Variants in ZNF121 observed in about 807,000 individuals in gnomAD.
ZNF121 encodes zinc finger protein 121, also known as zinc finger protein 121 (clone ZHC32).
In ZNF121, 1 loss-of-function variant was observed where a neutral mutation model predicts 2.4. That is an observed-to-expected ratio of 0.41 (90% CI 0.15 to 1.94). The LOEUF is 1.94. ZNF121 is among the 30% of genes most tolerant of loss of function. The pLI is 0.30. For missense variants in ZNF121, 369 were observed against 466.3 expected, an observed-to-expected ratio of 0.79 and a Z score of 1.92; for synonymous variants, 173 against 158.6, an observed-to-expected ratio of 1.09 and a Z score of -0.68.
In ZNF121 at chr19:9,581,978, T is replaced by C. The variant is rs79579906; in HGVS notation, c.-160+2483A>G. On this transcript the variant is annotated intron_variant, in intron 1 of 3. Coordinates refer to ENST00000320451, the MANE Select transcript of ZNF121 (RefSeq NM_001008727.5). ...CTCAAATTGTTCACCATAAAATGTA[T>C]TTACCTGAGGTGAAAGAAAACAAGC... Among the ~76,000 whole-genome samples the C allele has an allele frequency of 1.9e-3, 288 of 152,270 alleles. 2 individuals carry two copies. In the East Asian group the frequency reaches 0.05, roughly 27 times the overall value.
intron 1 of ZNF121, among the ~76,000 whole-genome samples, chr19:9,574,288 G>C (rs531705200): frequency 6.6e-6 from 1 of 152,060 alleles, no homozygotes; most frequent in Non-Finnish European, 1.5e-5. Flanking sequence ...TGGGATTACA[G>C]GCACATTCCA....
chr19:9,576,258 C>T (rs987044907), intron 1 of ZNF121, among the ~76,000 whole-genome samples: 3 of 151,776 alleles, frequency 2.0e-5, no homozygotes, highest in Non-Finnish European at 4.4e-5. Flanking sequence ...CTTTGGGAGG[C>T]CAACATGGGG....
At chr19:9,572,060 GC>G (rs1488722944) in intron 1 of ZNF121, among the ~76,000 whole-genome samples, 1 of 152,148 alleles carries the variant, frequency 6.6e-6, no homozygotes, top group South Asian at 2.1e-4. Context: ...ATTGTGCCCT[GC>G]CTGAAAATAC....
rs1599732151 is a variant in ZNF121 at position 9,561,000 on chromosome 19, G to T, written c.*4940C>A. On this transcript the variant is annotated 3_prime_UTR_variant, in exon 4 of 4. Transcript: ENST00000320451. Reference sequence around the variant, plus strand: ...GAGAGTAGCTTATATTTTAATCTAGGATTGAGCACGTGCTATTTTTGCAAG... The same window carrying T: ...GAGAGTAGCTTATATTTTAATCTAGTATTGAGCACGTGCTATTTTTGCAAG... 2 of 152,178 alleles carry T rather than the reference G, an allele frequency of 1.3e-5. No individual in the cohort carries two copies. Among genetic ancestry groups the T allele is most frequent in the African/African-American group, 4.8e-5 (2 of 41,438 alleles). The allele number at this position is 152,178 out of a possible 1,614,324, so 9.4% of individuals were successfully genotyped here.
chr19:9,574,276 C>G (rs544868958), intron 1 of ZNF121, among the ~76,000 whole-genome samples: 1 of 151,922 alleles, frequency 6.6e-6, no homozygotes, highest in Admixed American at 6.6e-5. Flanking sequence ...CTCCCTAGTA[C>G]CTGGGATTAC....
rs1568497864 is a variant in ZNF121 at position 9,566,792 on chromosome 19, C to T, written c.321G>A (p.Arg107=). 4 of 1,614,150 alleles carry T rather than the reference C, an allele frequency of 2.5e-6. No homozygotes were observed. Among genetic ancestry groups the T allele is most frequent in the African/African-American group, 1.3e-5 (1 of 75,038 alleles). Residue 107 remains arginine (R), a synonymous_variant, in exon 4 of 4, where the codon AGG becomes AGA. Coordinates refer to ENST00000320451, the MANE Select transcript of ZNF121 (RefSeq NM_001008727.5). The part of the protein sequence containing the change: ...FVDQSHLQAN[R]ITHNGETLYE... Reference sequence around the variant, plus strand: ...AGAGTGTTTCTCCATTGTGAGTTATCCTATTTGCCTGAAGATGTGACTGAT... The same window carrying T: ...AGAGTGTTTCTCCATTGTGAGTTATTCTATTTGCCTGAAGATGTGACTGAT...
intron 1 of ZNF121, among the ~76,000 whole-genome samples, chr19:9,570,417 G>A (rs1448713828): frequency 6.6e-6 from 1 of 152,122 alleles, no homozygotes; most frequent in Non-Finnish European, 1.5e-5. Context: ...TTTGTTGACA[G>A]AGCAGAAGAC....
intron 1 of ZNF121, among the ~76,000 whole-genome samples, chr19:9,576,525 C>G (rs566745998): frequency 9.9e-5 from 15 of 151,782 alleles, no homozygotes; most frequent in Non-Finnish European, 1.6e-4. Context: ...CACGTACATA[C>G]AAAAAGTAGA....
chr19:9,567,185 C>G lies in ZNF121; in HGVS notation c.4-76G>C. The G allele has an allele frequency of 2.3e-6, 3 of 1,317,332 alleles. No individual in the cohort carries two copies. The Admixed American group carries it at 7.5e-5, about 33-fold the overall frequency. 81.6% of individuals were successfully genotyped at this position (1,317,332 alleles called of 1,614,324 possible). ...CAGATTTTACCCATCTGAAATCAGA[C>G]AGTTTATTATGATTATAATTTTTGC... On this transcript the variant is annotated intron_variant, in intron 3 of 3. Transcript: ENST00000320451.
intron 1 of ZNF121, among the ~76,000 whole-genome samples, chr19:9,577,146 A>T (rs1477400280): frequency 6.6e-6 from 1 of 152,248 alleles, no homozygotes; most frequent in African/African-American, 2.4e-5. Context: ...CACAACAGCA[A>T]CAAAACTACA....
intron 1 of ZNF121, among the ~76,000 whole-genome samples, chr19:9,573,249 G>A (rs2074186621): frequency 6.6e-6 from 1 of 152,066 alleles, no homozygotes; most frequent in South Asian, 2.1e-4. Context: ...CAGTTTTAAG[G>A]AAATTCAGTG....
chr19:9,562,488 T>C lies in ZNF121; in HGVS notation c.*3452A>G, dbSNP rs1187554854. The C allele has an allele frequency of 4.8e-6, 1 of 208,690 alleles. No homozygotes were observed. The highest frequency in any genetic ancestry group is 4.9e-5 in the Admixed American group (1 of 20,334). The allele number at this position is 208,690 out of a possible 1,614,324, so 12.9% of individuals were successfully genotyped here. ...TGCTCTGTGATCTTTGATGTTCCTA[T>C]TTTAATTGTTTTGGGGTACCACAAA... On this transcript the variant is annotated 3_prime_UTR_variant, in exon 4 of 4. Transcript: ENST00000320451.
At chr19:9,580,611 G>A (rs1160120005) in intron 1 of ZNF121, among the ~76,000 whole-genome samples, 1 of 152,090 alleles carries the variant, frequency 6.6e-6, no homozygotes, top group East Asian at 1.9e-4. Context: ...GTGCTTTAAC[G>A]CCCCACACAG....
At chr19:9,569,856 T>TC (rs1397824512) in intron 1 of ZNF121, among the ~76,000 whole-genome samples, 2 of 150,202 alleles carry the variant, frequency 1.3e-5, no homozygotes, top group Admixed American at 6.6e-5. Context: ...TTTTTTTTTT[T>TC]TTTACGATAT....
intron 1 of ZNF121, among the ~76,000 whole-genome samples, chr19:9,570,652 C>T (rs996565323): frequency 3.9e-5 from 6 of 152,126 alleles, no homozygotes; most frequent in South Asian, 2.1e-4. Flanking sequence ...CTGCAACCTC[C>T]GCCTCCTGGG....
In ZNF121 at chr19:9,560,527, C is replaced by G. The variant is rs1054620475; in HGVS notation, c.*5413G>C. On this transcript the variant is annotated 3_prime_UTR_variant, in exon 4 of 4. Coordinates refer to ENST00000320451, the MANE Select transcript of ZNF121 (RefSeq NM_001008727.5). ...TCCTCCACCAGCTTGTGGCAAATACCGCAGTACTTTGTTCTTCTGAGTTTG... is the reference window on the plus strand; with the variant it reads ...TCCTCCACCAGCTTGTGGCAAATACGGCAGTACTTTGTTCTTCTGAGTTTG... The G allele has an allele frequency of 6.6e-6, 1 of 152,136 alleles. No homozygotes were observed. The highest frequency in any genetic ancestry group is 1.9e-4 in the East Asian group (1 of 5,200). 9.4% of individuals were successfully genotyped at this position (152,136 alleles called of 1,614,324 possible). A position where few individuals can be genotyped will look rare whatever the true frequency, so the allele number is the denominator to read the frequency against.
rs763820948 is a variant in ZNF121 at position 9,566,645 on chromosome 19, A to G, written c.468T>C (p.Ser156=). 1.2e-6 allele frequency: 2 copies of G among 1,614,182 alleles called. No individual in the cohort carries two copies. Among genetic ancestry groups the G allele is most frequent in the South Asian group, 2.2e-5 (2 of 91,080 alleles). The change falls in exon 4 of 4, where the codon TCT becomes TCC. Residue 156 remains serine, a synonymous_variant. Transcript: ENST00000320451. ...TTCGCATGTGACTATTAAGATATGA[A>G]GAATATCTAAAGAATTTTCCACATT... ...CKECGKFFRY[S]SYLNSHMRTH... is the part of the protein sequence containing the mutation.
At chr19:9,573,072 C>T (rs2074185311) in intron 1 of ZNF121, among the ~76,000 whole-genome samples, 1 of 152,090 alleles carries the variant, frequency 6.6e-6, no homozygotes. Flanking sequence ...ACAAGCCAGA[C>T]AAAGACTGTA....
intron 1 of ZNF121, among the ~76,000 whole-genome samples, chr19:9,574,248 C>T (rs1316077786): frequency 2.0e-5 from 3 of 152,092 alleles, no homozygotes; most frequent in Non-Finnish European, 2.9e-5. Context: ...CAGGTTCAAG[C>T]GATTCTCCTG....
Sources: gnomAD v4.1 joint callset for allele counts (sites outside exome capture counted in the v4.1 genomes callset) on GRCh38, gnomAD v4.1.1 for gene constraint, MANE v1.5 for transcripts, NCBI Gene and HGNC (gene_info 2026-07-23, HGNC 2026-07-21) for gene names.